PNLIPRP3: variants seen among roughly 807,000 people sequenced by gnomAD.
The protein encoded by PNLIPRP3 is pancreatic lipase related protein 3.
Under a neutral mutation model 52.8 loss-of-function variants are expected in PNLIPRP3, and 58 were observed. The observed-to-expected ratio is 1.10, with a 90% CI of 0.89 to 1.37. PNLIPRP3 has a LOEUF of 1.37. PNLIPRP3 is among the 40% of genes most tolerant of loss of function. PNLIPRP3 has a pLI of 0.00. For missense variants in PNLIPRP3, 593 were observed against 561.6 expected, an observed-to-expected ratio of 1.06 and a Z score of -0.57; for synonymous variants, 192 against 185.0, an observed-to-expected ratio of 1.04 and a Z score of -0.31.
At chr10:116,468,692 T>C (rs1282413783) in intron 8 of PNLIPRP3, among the ~76,000 whole-genome samples, 1 of 152,212 alleles carries the variant, frequency 6.6e-6, no homozygotes, top group African/African-American at 2.4e-5. Flanking sequence ...TTTTTAAAAA[T>C]TAAAAAATTT....
At chr10:116,459,694 TC>T (rs925180863) in intron 5 of PNLIPRP3, among the ~76,000 whole-genome samples, 1 of 152,190 alleles carries the variant, frequency 6.6e-6, no homozygotes, top group African/African-American at 2.4e-5. Context: ...TTCTCTGTCC[TC>T]CCCTGGGTTG....
chr10:116,456,935 A>G (rs1846124728), intron 5 of PNLIPRP3, among the ~76,000 whole-genome samples: 2 of 152,210 alleles, frequency 1.3e-5, no homozygotes, highest in South Asian at 2.1e-4. Flanking sequence ...AAATACTGCC[A>G]GGCTTATCTT....
chr10:116,476,724 T>A lies in PNLIPRP3; in HGVS notation c.1245T>A (p.Ser415Arg). ...ATGTTAACGTTGGAAACATTACAAG[T>A]GTTCAGTTCATCTGGAAAAAACATT... is the stretch of plus-strand genomic sequence containing the variant. ...DADVNVGNIT[S>R]VQFIWKKHLF... is the part of the protein sequence containing the mutation. Residue 415 changes from serine (S) to arginine (R), a missense_variant, in exon 11 of 12, where the codon AGT becomes AGA. Ser to Arg is a moderately radical substitution (Grantham distance 110). Transcript: ENST00000369230. 1.2e-6 allele frequency: 2 copies of A among 1,609,518 alleles called. No individual in the cohort carries two copies. Among genetic ancestry groups the A allele is most frequent in the Non-Finnish European group, 1.7e-6 (2 of 1,177,938 alleles).
intron 4 of PNLIPRP3, among the ~76,000 whole-genome samples, chr10:116,447,427 A>G (rs1845969253): frequency 6.6e-6 from 1 of 152,218 alleles, no homozygotes. Context: ...AAGGAAAATG[A>G]AGAAACAATA....
chr10:116,451,160 T>C (rs1213674827), intron 4 of PNLIPRP3, among the ~76,000 whole-genome samples: 2 of 152,130 alleles, frequency 1.3e-5, no homozygotes, highest in African/African-American at 4.8e-5. Flanking sequence ...GTGCCAAGAA[T>C]ACACAATGAA....
At chr10:116,469,131 G>A (rs1846325998) in intron 8 of PNLIPRP3, 54 bp from the exon 9 acceptor site, 5 of 1,519,008 alleles carry the variant, frequency 3.3e-6, no homozygotes, top group Non-Finnish European at 4.5e-6. Context: ...CGAGTTTATT[G>A]AAGGACAACA....
chr10:116,464,235 G>C (rs778284968), intron 7 of PNLIPRP3, among the ~76,000 whole-genome samples: 84 of 152,186 alleles, frequency 5.5e-4, no homozygotes, highest in Admixed American at 9.2e-4. Flanking sequence ...GATTGAATAG[G>C]AGGGAGTTCA....
chr10:116,450,854 G>A (rs1195266622), intron 4 of PNLIPRP3, among the ~76,000 whole-genome samples: 1 of 152,038 alleles, frequency 6.6e-6, no homozygotes, highest in Non-Finnish European at 1.5e-5. Flanking sequence ...TTATCAAAAT[G>A]TTCATACTAC....
chr10:116,472,355 G>T (rs1048758532), intron 10 of PNLIPRP3, among the ~76,000 whole-genome samples: 1 of 152,102 alleles, frequency 6.6e-6, no homozygotes, highest in Non-Finnish European at 1.5e-5. Context: ...TGTTCATTTT[G>T]TATCTTTTGC....
At chr10:116,433,145 A>AAAAAAAAC (rs1364965512) in intron 1 of PNLIPRP3, among the ~76,000 whole-genome samples, 1 of 148,786 alleles carries the variant, frequency 6.7e-6, no homozygotes, top group Non-Finnish European at 1.5e-5. Flanking sequence ...AAAAAAAAAA[A>AAAAAAAAC]AGTCTTGGAG....
At chr10:116,458,115 G>C (rs956702768) in intron 5 of PNLIPRP3, among the ~76,000 whole-genome samples, 1 of 152,056 alleles carries the variant, frequency 6.6e-6, no homozygotes, top group African/African-American at 2.4e-5. Flanking sequence ...TGTATAAGTG[G>C]TAAGTAGTTG....
chr10:116,428,151 T>C lies in PNLIPRP3; in HGVS notation c.49+90T>C. The C allele has an allele frequency of 6.5e-6, 6 of 916,314 alleles. No individual in the cohort carries two copies. The South Asian group carries it at 9.9e-5, about 15-fold the overall frequency. 56.8% of individuals were successfully genotyped at this position (916,314 alleles called of 1,614,324 possible). Reference sequence around the variant, plus strand: ...TTGACATGAACTTATTCTTTAGAAATTACTATTGCTAATTTCATTCTTAAG... The same window carrying C: ...TTGACATGAACTTATTCTTTAGAAACTACTATTGCTAATTTCATTCTTAAG... On this transcript the variant is annotated intron_variant, in intron 1 of 11. Coordinates refer to ENST00000369230, the MANE Select transcript of PNLIPRP3 (RefSeq NM_001011709.3).
At chr10:116,437,905 A>G (rs1314752722) in intron 2 of PNLIPRP3, among the ~76,000 whole-genome samples, 1 of 152,218 alleles carries the variant, frequency 6.6e-6, no homozygotes, top group African/African-American at 2.4e-5. Context: ...CATCACAGAA[A>G]GGTCCATTTG....
chr10:116,465,181 G>A (rs1846259977), intron 7 of PNLIPRP3, among the ~76,000 whole-genome samples: 1 of 152,120 alleles, frequency 6.6e-6, no homozygotes, highest in Non-Finnish European at 1.5e-5. Flanking sequence ...GCTTTTTATA[G>A]GCTCAGAATG....
At chr10:116,430,172 G>C (rs1167245239) in intron 1 of PNLIPRP3, among the ~76,000 whole-genome samples, 1 of 152,136 alleles carries the variant, frequency 6.6e-6, no homozygotes, top group African/African-American at 2.4e-5. Flanking sequence ...CAAAATAGAA[G>C]GGCAGATATC....
chr10:116,430,800 A>T (rs1845700145), intron 1 of PNLIPRP3, among the ~76,000 whole-genome samples: 1 of 152,296 alleles, frequency 6.6e-6, no homozygotes, highest in South Asian at 2.1e-4. Context: ...TCATCTATTA[A>T]ATCTGTAACA....
intron 10 of PNLIPRP3, among the ~76,000 whole-genome samples, chr10:116,473,554 C>T (rs1216158342): frequency 1.3e-5 from 2 of 152,038 alleles, no homozygotes; most frequent in Non-Finnish European, 2.9e-5. Flanking sequence ...TGGAGTCTCA[C>T]TCTGTCACCC....
chr10:116,469,651 A>G (rs1232351857), intron 9 of PNLIPRP3, among the ~76,000 whole-genome samples: 1 of 152,206 alleles, frequency 6.6e-6, no homozygotes, highest in African/African-American at 2.4e-5. Context: ...TCCAGGCAGA[A>G]GTGACCACGT....
At chr10:116,455,132 G>A (rs1199027106) in intron 4 of PNLIPRP3, among the ~76,000 whole-genome samples, 2 of 152,154 alleles carry the variant, frequency 1.3e-5, no homozygotes, top group South Asian at 2.1e-4. Context: ...GATTAAGGAT[G>A]TTCAACATTT....
Sources: allele counts gnomAD v4.1 joint callset (sites outside exome capture counted in the v4.1 genomes callset), GRCh38; gene constraint gnomAD v4.1.1; transcripts MANE v1.5; gene names NCBI Gene and HGNC (gene_info 2026-07-23, HGNC 2026-07-21).